Variants in PPM1L observed in about 807,000 individuals in gnomAD.
PPM1L encodes protein phosphatase, Mg2+/Mn2+ dependent 1L.
In PPM1L, 13 loss-of-function variants were observed where a neutral mutation model predicts 31.4. The observed-to-expected ratio is 0.41, with a 90% CI of 0.27 to 0.66. PPM1L has a LOEUF of 0.66. Among genes scored for constraint, PPM1L ranks in the 30% least tolerant of loss-of-function variants. The pLI, the probability that PPM1L is intolerant of heterozygous loss-of-function variation, is 0.29. For missense variants in PPM1L, 326 were observed against 453.7 expected, an observed-to-expected ratio of 0.72 and a Z score of 2.56; for synonymous variants, 184 against 175.4, an observed-to-expected ratio of 1.05 and a Z score of -0.39.
Position 160,756,722 on chromosome 3 carries a change from G to A in PPM1L, c.399+15G>A, listed in dbSNP as rs762002751. 2.5e-6 allele frequency: 4 copies of A among 1,608,106 alleles called. No homozygotes were observed. The highest frequency in any genetic ancestry group is 1.7e-5 in the Admixed American group (1 of 59,762). ...ACGGGGGAGAGGTAGGAGCTACCCC[G>A]GGGCTTTGTATTTGTGTCCGTGTAT... On this transcript the variant is annotated intron_variant, in intron 1 of 3. Transcript: ENST00000498165. The surrounding 1 kb of genome is among the most constrained non-coding windows in gnomAD (Gnocchi z 6.2).
At chr3:160,985,927 A>G (rs944337490) in intron 2 of PPM1L, among the ~76,000 whole-genome samples, 1 of 151,526 alleles carries the variant, frequency 6.6e-6, no homozygotes, top group Non-Finnish European at 1.5e-5. Context: ...TTTTTATTTT[A>G]TTATAGATGC....
At chr3:160,948,211 T>G (rs1244219919) in intron 1 of PPM1L, among the ~76,000 whole-genome samples, 1 of 152,212 alleles carries the variant, frequency 6.6e-6, no homozygotes, top group Non-Finnish European at 1.5e-5. Context: ...GTAAGGTTCA[T>G]GAACTGTATG....
At chr3:161,050,449 A>G (rs1408573822) in intron 2 of PPM1L, among the ~76,000 whole-genome samples, 1 of 152,228 alleles carries the variant, frequency 6.6e-6, no homozygotes, top group East Asian at 1.9e-4. Context: ...AAAATTTCAG[A>G]AAAGTTTTTT....
intron 2 of PPM1L, among the ~76,000 whole-genome samples, chr3:161,006,696 T>G (rs1010102528): frequency 2.5e-4 from 38 of 149,038 alleles, no homozygotes; most frequent in African/African-American, 8.9e-4. Flanking sequence ...TTTTTTTTTT[T>G]TTTTGAGACG....
At chr3:160,915,219 A>G (rs1008873185) in intron 1 of PPM1L, among the ~76,000 whole-genome samples, 3 of 152,196 alleles carry the variant, frequency 2.0e-5, no homozygotes, top group Non-Finnish European at 4.4e-5. Context: ...GTCTCAGGAT[A>G]CAAAATCAAT....
intron 1 of PPM1L, among the ~76,000 whole-genome samples, chr3:160,932,211 A>T (rs556017499): frequency 2.0e-5 from 3 of 152,296 alleles, no homozygotes; most frequent in African/African-American, 7.2e-5. Flanking sequence ...CTGAAATAGG[A>T]TGGATTGAGA....
At chr3:160,778,557 G>A (rs1345152364) in intron 1 of PPM1L, among the ~76,000 whole-genome samples, 1 of 152,090 alleles carries the variant, frequency 6.6e-6, no homozygotes, top group Admixed American at 6.6e-5. Flanking sequence ...AAAACAAATA[G>A]GAATGTTCAT....
At chr3:161,000,234 C>G (rs1328102411) in intron 2 of PPM1L, among the ~76,000 whole-genome samples, 1 of 152,078 alleles carries the variant, frequency 6.6e-6, no homozygotes, top group African/African-American at 2.4e-5. Context: ...TTGATAAGAG[C>G]TTAGAACTGC....
At chr3:161,044,376 A>ATTTT (rs1718997066) in intron 2 of PPM1L, among the ~76,000 whole-genome samples, 1 of 140,556 alleles carries the variant, frequency 7.1e-6, no homozygotes, top group African/African-American at 2.8e-5. Context: ...TTATTTATTT[A>ATTTT]TTTATTTATT....
At chr3:160,908,440 C>G (rs1041296743) in intron 1 of PPM1L, among the ~76,000 whole-genome samples, 2 of 152,072 alleles carry the variant, frequency 1.3e-5, no homozygotes, top group African/African-American at 4.8e-5. Context: ...TTCCTGGAGC[C>G]TTGTTTTATA....
intron 1 of PPM1L, among the ~76,000 whole-genome samples, chr3:160,819,128 A>T (rs1373605268): frequency 6.6e-6 from 1 of 152,026 alleles, no homozygotes; most frequent in Non-Finnish European, 1.5e-5. Flanking sequence ...TGATATTCTG[A>T]GTCTAAGAAT....
Position 161,070,062 on chromosome 3 carries a change from T to C in PPM1L, c.*905T>C, listed in dbSNP as rs949757725. On this transcript the variant is annotated 3_prime_UTR_variant, in exon 4 of 4. Transcript: ENST00000498165. ...GATGAAGGAAATGATACTGAATGAGTCACAGTGTTCCCTGGCAAGTAAGCT... is the reference window on the plus strand; with the variant it reads ...GATGAAGGAAATGATACTGAATGAGCCACAGTGTTCCCTGGCAAGTAAGCT... The C allele has an allele frequency of 6.6e-6, 1 of 152,112 alleles. No homozygotes were observed. The allele number at this position is 152,112 out of a possible 1,614,324, so 9.4% of individuals were successfully genotyped here.
At chr3:161,039,992 G>A (rs1718863392) in intron 2 of PPM1L, among the ~76,000 whole-genome samples, 1 of 152,002 alleles carries the variant, frequency 6.6e-6, no homozygotes, top group Admixed American at 6.6e-5. Context: ...TTAAAACTTG[G>A]TGTTCCTATC....
intron 1 of PPM1L, among the ~76,000 whole-genome samples, chr3:160,824,936 T>A (rs1165053491): frequency 6.6e-6 from 1 of 152,130 alleles, no homozygotes; most frequent in Non-Finnish European, 1.5e-5. Flanking sequence ...AATTCTTCCT[T>A]TAGGGATTTC....
At chr3:161,000,531 G>A (rs1717448318) in intron 2 of PPM1L, among the ~76,000 whole-genome samples, 1 of 152,066 alleles carries the variant, frequency 6.6e-6, no homozygotes, top group Non-Finnish European at 1.5e-5. Context: ...ATATATAAGA[G>A]AGGCCAAGAA....
chr3:160,937,594 T>G (rs1386089001), intron 1 of PPM1L, among the ~76,000 whole-genome samples: 1 of 152,020 alleles, frequency 6.6e-6, no homozygotes, highest in Non-Finnish European at 1.5e-5. Context: ...CACTCCAGCC[T>G]GGGTGACAGA....
chr3:160,869,339 C>T (rs1241577027), intron 1 of PPM1L, among the ~76,000 whole-genome samples: 1 of 152,134 alleles, frequency 6.6e-6, no homozygotes, highest in African/African-American at 2.4e-5. Flanking sequence ...TATAAAATTT[C>T]CTGCCTCCTC....
At chr3:160,825,688 A>T (rs770863126) in intron 1 of PPM1L, among the ~76,000 whole-genome samples, 33 of 152,170 alleles carry the variant, frequency 2.2e-4, no homozygotes, top group Non-Finnish European at 4.4e-5. Context: ...GATAAGAAGA[A>T]AGATAAGAAT....
intron 2 of PPM1L, among the ~76,000 whole-genome samples, chr3:160,969,642 T>C (rs1183918632): frequency 6.6e-6 from 1 of 152,224 alleles, no homozygotes; most frequent in East Asian, 1.9e-4. Flanking sequence ...CACTAAGGTT[T>C]CCTTACTTTA....
Sources: gnomAD v4.1 joint callset for allele counts (sites outside exome capture counted in the v4.1 genomes callset) on GRCh38, gnomAD v4.1.1 for gene constraint, Gnocchi (gnomAD v3.1) non-coding constraint, MANE v1.5 for transcripts, NCBI Gene and HGNC (gene_info 2026-07-23, HGNC 2026-07-21) for gene names.